The following GPC4 variants were observed in gnomAD, a reference collection of about 807,000 sequenced individuals.
The protein encoded by GPC4 is glypican 4, also known as glypican-4.
GPC4 carries 10 observed loss-of-function variants against 35.0 expected under a neutral mutation model. That is an observed-to-expected ratio of 0.29 (90% CI 0.18 to 0.48). The LOEUF is 0.48. Among genes scored for constraint, GPC4 ranks in the 20% least tolerant of loss-of-function variants. GPC4 has a pLI of 0.99. For synonymous variants in GPC4, 167 were observed against 170.2 expected (o/e 0.98, Z 0.15); for missense variants, 322 against 451.3 (o/e 0.71, Z 2.60).
intron 1 of GPC4, among the ~76,000 whole-genome samples, chrX:133,344,102 A>G (rs2068478657): frequency 9.3e-6 from 1 of 107,088 alleles, no homozygotes; most frequent in Non-Finnish European, 1.9e-5. Flanking sequence ...TAAATGGTAG[A>G]TAGGTGCTCA....
At chrX:133,389,289 T>C (rs1271739369) in intron 1 of GPC4, among the ~76,000 whole-genome samples, 2 of 111,549 alleles carry the variant, frequency 1.8e-5, no homozygotes, top group African/African-American at 3.3e-5. Context: ...GAATATTGCC[T>C]TGAAGACTGG....
At chrX:133,353,884 G>A (rs905948489) in intron 1 of GPC4, among the ~76,000 whole-genome samples, 1 of 111,455 alleles carries the variant, frequency 9.0e-6, no homozygotes, top group East Asian at 2.8e-4. Context: ...ACAGGGACAC[G>A]TTTTTCTCCC....
intron 1 of GPC4, among the ~76,000 whole-genome samples, chrX:133,377,030 C>T (rs2068636795): frequency 1.8e-5 from 2 of 112,352 alleles, no homozygotes; most frequent in African/African-American, 3.2e-5. Context: ...GCCTTCCCTA[C>T]TGTCCCAGCT....
intron 1 of GPC4, among the ~76,000 whole-genome samples, chrX:133,403,718 CAG>C (rs2068775450): frequency 9.5e-6 from 1 of 105,697 alleles, no homozygotes; most frequent in Non-Finnish European, 1.9e-5. Flanking sequence ...TTTTTTTTGA[CAG>C]AGTCTCACTC....
intron 1 of GPC4, among the ~76,000 whole-genome samples, chrX:133,404,874 A>G (rs2068780757): frequency 1.1e-5 from 1 of 91,806 alleles, no homozygotes; most frequent in Admixed American, 1.1e-4. Context: ...AAAAAGGTGC[A>G]GAGGAACAAA....
chrX:133,361,465 G>A (rs2068567451), intron 1 of GPC4, among the ~76,000 whole-genome samples: 1 of 111,300 alleles, frequency 9.0e-6, no homozygotes, highest in South Asian at 3.8e-4. Flanking sequence ...AACACAGTTT[G>A]CCATTTGGGA....
intron 4 of GPC4, among the ~76,000 whole-genome samples, chrX:133,310,438 A>T (rs907200370): frequency 9.0e-6 from 1 of 111,609 alleles, no homozygotes; most frequent in African/African-American, 3.3e-5. Context: ...ATTCTCCTTA[A>T]TTTGTCCTTT....
chrX:133,390,292 T>C (rs1046655299), intron 1 of GPC4, among the ~76,000 whole-genome samples: 5 of 111,867 alleles, frequency 4.5e-5, no homozygotes, highest in Non-Finnish European at 3.8e-5. Context: ...TCATCTTTCA[T>C]AATGAATTAG....
chrX:133,406,092 A>T (rs1208248752), intron 1 of GPC4, among the ~76,000 whole-genome samples: 1 of 112,474 alleles, frequency 8.9e-6, no homozygotes, highest in African/African-American at 3.2e-5. Flanking sequence ...GAGGACATTA[A>T]AGTAAGGGAT....
chrX:133,401,719 G>C (rs1272646724), intron 1 of GPC4, among the ~76,000 whole-genome samples: 1 of 111,272 alleles, frequency 9.0e-6, no homozygotes, highest in Non-Finnish European at 1.9e-5. Flanking sequence ...AGATCTGAGA[G>C]GGCAGAAAGA....
intron 1 of GPC4, among the ~76,000 whole-genome samples, chrX:133,407,076 CA>C (rs58637024): frequency 2.9e-4 from 29 of 101,458 alleles, no homozygotes; most frequent in Admixed American, 5.4e-4. Flanking sequence ...GACTCCATCT[CA>C]AAAAAAAAAA....
chrX:133,381,356 A>G (rs1364177690), intron 1 of GPC4, among the ~76,000 whole-genome samples: 2 of 112,551 alleles, frequency 1.8e-5, no homozygotes, highest in Non-Finnish European at 3.7e-5. Flanking sequence ...ACGTTTCCTT[A>G]TGCGTGAGCT....
chrX:133,324,608 T>C, intron 2 of GPC4, 72 bp from the exon 3 acceptor site: 1 of 967,003 alleles, frequency 1.0e-6, no homozygotes, highest in Non-Finnish European at 1.4e-6. Context: ...TAACTGCTTT[T>C]CCAGTAAATT....
intron 1 of GPC4, among the ~76,000 whole-genome samples, chrX:133,374,677 A>T (rs1359941361): frequency 8.9e-6 from 1 of 111,770 alleles, no homozygotes. Flanking sequence ...TTATGCTCAG[A>T]TCCTCTCTGA....
chrX:133,304,209 A>C (rs1200778805), intron 7 of GPC4, among the ~76,000 whole-genome samples: 1 of 110,536 alleles, frequency 9.0e-6, no homozygotes, highest in Non-Finnish European at 1.9e-5. Flanking sequence ...CTGAGGCAGG[A>C]GAATCACTTG....
intron 3 of GPC4, among the ~76,000 whole-genome samples, chrX:133,319,971 G>A (rs1041636172): frequency 1.8e-5 from 2 of 111,244 alleles, no homozygotes; most frequent in African/African-American, 3.3e-5. Flanking sequence ...TTGTTTCAGC[G>A]CCTTTAGAAA....
At chrX:133,402,732 G>A (rs1051325666) in intron 1 of GPC4, among the ~76,000 whole-genome samples, 1 of 110,229 alleles carries the variant, frequency 9.1e-6, no homozygotes, top group Non-Finnish European at 1.9e-5. Flanking sequence ...GGTGAAACCC[G>A]TCTCTACTAA....
chrX:133,346,004 G>A (rs1206767972), intron 1 of GPC4, among the ~76,000 whole-genome samples: 1 of 111,525 alleles, frequency 9.0e-6, no homozygotes, highest in Admixed American at 9.5e-5. Context: ...AATCTTCTGG[G>A]GTCCAAATAC....
At chrX:133,347,248 G>GTTT (rs763800349) in intron 1 of GPC4, among the ~76,000 whole-genome samples, 2,981 of 25,051 alleles carry the variant, frequency 0.12, 650 homozygotes, top group Admixed American at 0.14. Flanking sequence ...TCTATTAGAA[G>GTTT]TTTTTTTTTT....
Sources: gnomAD v4.1 joint callset for allele counts (sites outside exome capture counted in the v4.1 genomes callset) on GRCh38, gnomAD v4.1.1 for gene constraint, MANE v1.5 for transcripts, NCBI Gene and HGNC (gene_info 2026-07-23, HGNC 2026-07-21) for gene names.